BAZ2B: variants seen among roughly 807,000 people sequenced by gnomAD.
BAZ2B encodes the protein bromodomain adjacent to zinc finger domain protein 2B.
BAZ2B carries 91 observed loss-of-function variants against 246.0 expected under a neutral mutation model. The ratio of observed to expected loss-of-function variants is 0.37; its 90% confidence interval spans 0.31 to 0.44. BAZ2B has a LOEUF of 0.44. BAZ2B is among the 20% of genes least tolerant of loss of function. The probability of loss-of-function intolerance (pLI) is 1.00; values close to 1 mark genes in which losing one functional copy is unlikely to be tolerated. For synonymous variants in BAZ2B, 855 were observed against 860.0 expected (o/e 0.99, Z 0.10); for missense variants, 2,332 against 2,533.7 (o/e 0.92, Z 1.71).
At chr2:159,348,637 C>T (rs183438045) in intron 30 of BAZ2B, 41 bp downstream of exon 30, 260 of 1,555,370 alleles carry the variant, frequency 1.7e-4, no homozygotes, top group South Asian at 5.0e-5. Flanking sequence ...ATTCTCATAA[C>T]TAAGCAAGAA....
chr2:159,631,428 G>A, the BAZ2B span, among the ~76,000 whole-genome samples: 4,138 of 152,164 alleles, frequency 0.027, 98 homozygotes, highest in Non-Finnish European at 0.046. Context: ...ACAGATTATG[G>A]TCTCTATACA....
chr2:159,414,872 C>G (rs759916662), intron 13 of BAZ2B, among the ~76,000 whole-genome samples: 1 of 150,594 alleles, frequency 6.6e-6, no homozygotes, highest in Non-Finnish European at 1.5e-5. Flanking sequence ...TATGTACTCA[C>G]AACAATGAAA....
rs969069995 is a variant in BAZ2B at position 159,438,191 on chromosome 2, A to G, written c.1293+112T>C. The G allele has an allele frequency of 7.1e-6, 7 of 991,708 alleles. No homozygotes were observed. The African/African-American group carries it at 8.3e-5, about 12-fold the overall frequency. 61.4% of individuals were successfully genotyped at this position (991,708 alleles called of 1,614,324 possible). ...ACATATTCTATTCCTGGAGACTAAG[A>G]AAGTATAAAAATGAAGGTAGAATTT... On this transcript the variant is annotated intron_variant, in intron 8 of 36. Coordinates refer to ENST00000392783, the MANE Select transcript of BAZ2B (RefSeq NM_013450.4).
At chr2:159,584,893 G>C (rs762774470) in intron 1 of BAZ2B, among the ~76,000 whole-genome samples, 2 of 152,064 alleles carry the variant, frequency 1.3e-5, no homozygotes, top group Non-Finnish European at 2.9e-5. Flanking sequence ...TATAGCACCT[G>C]GCCCTCTCTC....
intron 1 of BAZ2B, among the ~76,000 whole-genome samples, chr2:159,608,103 G>C (rs1693914084): frequency 6.6e-6 from 1 of 152,208 alleles, no homozygotes; most frequent in Non-Finnish European, 1.5e-5. Context: ...GGCCAGGCGT[G>C]GTGGCTCATG....
At chr2:159,576,046 T>C (rs139312511) in intron 1 of BAZ2B, among the ~76,000 whole-genome samples, 2 of 152,162 alleles carry the variant, frequency 1.3e-5, no homozygotes, top group Non-Finnish European at 2.9e-5. Context: ...AACAAACAGC[T>C]TCACAACATT....
At chr2:159,397,411 A>C (rs2064195330) in intron 18 of BAZ2B, 22 bp from the exon 19 acceptor site, 4 of 1,456,698 alleles carry the variant, frequency 2.7e-6, no homozygotes, top group Non-Finnish European at 2.8e-6. Flanking sequence ...GAAACTTTTA[A>C]TACGTGATTT....
chr2:159,439,964 T>A (rs760541150), intron 6 of BAZ2B, among the ~76,000 whole-genome samples: 5 of 152,164 alleles, frequency 3.3e-5, no homozygotes, highest in Non-Finnish European at 7.4e-5. Context: ...AAGTGGTTAT[T>A]AGGTCACATA....
intron 3 of BAZ2B, among the ~76,000 whole-genome samples, chr2:159,476,556 G>A (rs1414876359): frequency 6.6e-6 from 1 of 152,096 alleles, no homozygotes; most frequent in South Asian, 2.1e-4. Context: ...TGACTCATGA[G>A]AACTGCAAGC....
At chr2:159,336,915 T>G in intron 33 of BAZ2B, 27 bp downstream of exon 33, 2 of 1,536,290 alleles carry the variant, frequency 1.3e-6, no homozygotes, top group Non-Finnish European at 1.8e-6. Flanking sequence ...AAATTAGTTA[T>G]AATATTTCTT....
rs3755432 is a variant in BAZ2B at position 159,400,235 on chromosome 2, C to T, written c.2898+364G>A. On this transcript the variant is annotated intron_variant, in intron 17 of 36. Coordinates refer to ENST00000392783, the MANE Select transcript of BAZ2B (RefSeq NM_013450.4). ...TAAAATTTACTTTTACTTTTGAAAT[C>T]TTACTTCTGTAAACATTTGTTTCTA... Among the ~76,000 whole-genome samples the T allele has an allele frequency of 7.5e-4, 114 of 152,280 alleles. 3 individuals are homozygous for T. In the East Asian group the frequency reaches 0.021, roughly 28 times the overall value.
the BAZ2B span, among the ~76,000 whole-genome samples, chr2:159,644,502 C>G: frequency 6.6e-6 from 1 of 152,164 alleles, no homozygotes; most frequent in Non-Finnish European, 1.5e-5. Flanking sequence ...GCTGTCTTGC[C>G]CCTTAGGCTA....
chr2:159,710,754 TAATCTGCCAA>T, the BAZ2B span: 1 of 152,218 alleles, frequency 6.6e-6, no homozygotes, highest in African/African-American at 2.4e-5. Context: ...GACAAAGCCA[TAATCTGCCAA>T]AATCTGCACC....
At chr2:159,391,362 A>G (rs760076606) in intron 20 of BAZ2B, among the ~76,000 whole-genome samples, 1 of 152,166 alleles carries the variant, frequency 6.6e-6, no homozygotes, top group Non-Finnish European at 1.5e-5. Context: ...TGATGTCTGC[A>G]CAATGATGAA....
chr2:159,316,220 T>C (rs1313532250), downstream of BAZ2B, among the ~76,000 whole-genome samples: 1 of 151,836 alleles, frequency 6.6e-6, no homozygotes, highest in Admixed American at 6.6e-5. Flanking sequence ...GAGTGTGCCA[T>C]GAATTGAAGA....
intron 16 of BAZ2B, 84 bp from the exon 17 acceptor site, chr2:159,400,748 A>G (rs952105336): frequency 1.6e-5 from 14 of 858,298 alleles, no homozygotes; most frequent in African/African-American, 5.3e-5. Context: ...ATAATTAAAA[A>G]TATAAGTACA....
chr2:159,347,436 A>G (rs772539853), intron 31 of BAZ2B, 50 bp downstream of exon 31: 17 of 1,546,832 alleles, frequency 1.1e-5, no homozygotes, highest in South Asian at 4.5e-5. Flanking sequence ...AATAAACATT[A>G]GTTATCTTCC....
At chr2:159,533,778 T>A (rs140512931) in intron 2 of BAZ2B, among the ~76,000 whole-genome samples, 1 of 152,208 alleles carries the variant, frequency 6.6e-6, no homozygotes, top group African/African-American at 2.4e-5. Context: ...AAATATCCTT[T>A]ATGAGCAACT....
chr2:159,631,009 C>A, the BAZ2B span, among the ~76,000 whole-genome samples: 1 of 151,944 alleles, frequency 6.6e-6, no homozygotes, highest in Non-Finnish European at 1.5e-5. Context: ...GCCTCGGCAA[C>A]GTGGTGAAAC....
Sources: allele counts gnomAD v4.1 joint callset (sites outside exome capture counted in the v4.1 genomes callset), GRCh38; gene constraint gnomAD v4.1.1; transcripts MANE v1.5; gene names NCBI Gene and HGNC (gene_info 2026-07-23, HGNC 2026-07-21).